Variants in APC observed in about 807,000 individuals in gnomAD.
APC encodes adenomatous polyposis coli protein.
APC carries 72 observed loss-of-function variants against 247.0 expected under a neutral mutation model. The observed-to-expected ratio is 0.29, with a 90% CI of 0.24 to 0.35. APC has a LOEUF of 0.35. APC is among the 10% of genes least tolerant of loss of function. The probability of loss-of-function intolerance (pLI) is 1.00; values close to 1 mark genes in which losing one functional copy is unlikely to be tolerated. For missense variants in APC, 3,400 were observed against 3,360.7 expected, an observed-to-expected ratio of 1.01 and a Z score of -0.29; for synonymous variants, 1,254 against 1,162.5, an observed-to-expected ratio of 1.08 and a Z score of -1.60.
chr5:112,785,380 A>T (rs1035201305), intron 6 of APC, among the ~76,000 whole-genome samples: 10 of 152,208 alleles, frequency 6.6e-5, no homozygotes, highest in African/African-American at 2.4e-4. Context: ...CTACCAGTTA[A>T]AGGTGGAAAT....
chr5:112,764,414 ATAGAGG>A (rs1433948897), intron 2 of APC, among the ~76,000 whole-genome samples: 1 of 152,220 alleles, frequency 6.6e-6, no homozygotes, highest in Admixed American at 6.5e-5. Context: ...AAGAGAGCTA[ATAGAGG>A]TAGAATCACC....
chr5:112,758,832 ACCTCAGGTGAT>A (rs1489828662), intron 2 of APC, among the ~76,000 whole-genome samples: 2 of 151,084 alleles, frequency 1.3e-5, no homozygotes, highest in African/African-American at 4.9e-5. Context: ...CAAACTCCTG[ACCTCAGGTGAT>A]CCACCCGCCT....
intron 1 of APC, among the ~76,000 whole-genome samples, chr5:112,710,176 G>T (rs570200416): frequency 6.6e-6 from 1 of 152,208 alleles, no homozygotes; most frequent in East Asian, 1.9e-4. Context: ...TTACCAGTTT[G>T]ACCCCTGAAA....
chr5:112,843,776 G>A lies in APC; in HGVS notation c.8182G>A (p.Val2728Met), dbSNP rs587778045. Residue 2728 changes from valine (V) to methionine (M), a missense_variant, in exon 16 of 16, where the codon GTG (valine) becomes ATG (methionine). This residue lies in a region of APC where 1,788 missense variants were observed against 1,649.5 expected (regional missense o/e 1.08). Transcript: ENST00000257430. The surrounding 1 kb of genome is among the most constrained non-coding windows in gnomAD (Gnocchi z 4.8). ...AAATCGCCTGAACTCCTTTATTCAG[G>A]TGGATGCCCCTGACCAAAAAGGAAC... ...LENRLNSFIQ[V>M]DAPDQKGTEI... 2.5e-6 allele frequency: 4 copies of A among 1,613,984 alleles called. No individual in the cohort carries two copies. The highest frequency in any genetic ancestry group is 3.4e-6 in the Non-Finnish European group (4 of 1,179,878).
Position 112,827,186 on chromosome 5 carries a change from C to T in APC, c.1487C>T (p.Thr496Ile), listed in dbSNP as rs1369979539. 3 of 1,613,782 alleles carry T rather than the reference C, an allele frequency of 1.9e-6. No homozygotes were observed. The highest frequency in any genetic ancestry group is 2.5e-6 in the Non-Finnish European group (3 of 1,179,886). ...YGLTNDHYSI[T>I]LRRYAGMALT... is the part of the protein sequence containing the mutation. ...CTTACTAATGACCACTACAGTATTA[C>T]ACTAAGACGATATGCTGGAATGGCT... The change falls in exon 12 of 16, where the codon ACA becomes ATA. Residue 496 changes from threonine (T) to isoleucine (I), a missense_variant. This residue lies in a region of APC where 199 missense variants were observed against 212.5 expected (regional missense o/e 0.94). Coordinates refer to ENST00000257430, the MANE Select transcript of APC (RefSeq NM_000038.6).
In APC at chr5:112,840,902, A is replaced by G. The variant is rs551183536; in HGVS notation, c.5308A>G (p.Lys1770Glu). The stretch of plus-strand genomic sequence containing the variant: ...CAAAAATCAGTTAGATGGTAAGAAA[A>G]AGAAACCAACTTCACCAGTAAAACC... ...PNKNQLDGKKKKPTSPVKPIP... is the reference protein window; with the variant it reads ...PNKNQLDGKKEKPTSPVKPIP... The change falls in exon 16 of 16, where the codon AAG (lysine) becomes GAG (glutamate). Residue 1770 changes from lysine (K) to glutamate (E), a missense_variant. Physicochemically the swap from Lys to Glu is moderately conservative, Grantham distance 56 (BLOSUM62 1). This residue lies in a region of APC where 1,788 missense variants were observed against 1,649.5 expected (regional missense o/e 1.08). Coordinates refer to ENST00000257430, the MANE Select transcript of APC (RefSeq NM_000038.6). The surrounding 1 kb of genome is among the most constrained non-coding windows in gnomAD (Gnocchi z 4.1). The G allele has an allele frequency of 9.3e-6, 15 of 1,613,990 alleles. No individual in the cohort carries two copies. The Admixed American group carries it at 2.0e-4, about 22-fold the overall frequency.
intron 2 of APC, among the ~76,000 whole-genome samples, chr5:112,761,331 C>T (rs931350076): frequency 6.6e-6 from 1 of 151,784 alleles, no homozygotes; most frequent in Non-Finnish European, 1.5e-5. Flanking sequence ...TCAGATGATC[C>T]ACATGTTGCA....
chr5:112,738,023 C>G, intron 1 of APC, 98 bp downstream of exon 1: 1 of 795,538 alleles, frequency 1.3e-6, no homozygotes, highest in Non-Finnish European at 1.5e-6. Flanking sequence ...TTCCTTGGCA[C>G]AGGGTCCACT....
chr5:112,793,568 A>T (rs1001593926), intron 7 of APC, among the ~76,000 whole-genome samples: 1 of 152,214 alleles, frequency 6.6e-6, no homozygotes, highest in Non-Finnish European at 1.5e-5. Flanking sequence ...GACAAAATCC[A>T]TTCTTCAGGC....
At position 112,818,980 on chromosome 5, in the gene APC, T is replaced by C. The variant is rs748010172; in HGVS notation, c.948T>C (p.Tyr316=). 5.0e-6 allele frequency: 8 copies of C among 1,613,946 alleles called. No homozygotes were observed. In the African/African-American group the frequency reaches 8.0e-5, roughly 16 times the overall value. The change falls in exon 10 of 16, where the codon TAT becomes TAC. Residue 316 remains tyrosine, a synonymous_variant. Transcript: ENST00000257430. ...TTGGCCCACAGGTGGAAATGGTGTA[T>C]TCATTGTTGTCAATGCTTGGTACTC... ...SHLGTKVEMV[Y]SLLSMLGTHD...
At chr5:112,790,111 T>A (rs1325617647) in intron 6 of APC, among the ~76,000 whole-genome samples, 3 of 152,108 alleles carry the variant, frequency 2.0e-5, no homozygotes, top group African/African-American at 7.2e-5. Context: ...CTGCCCACCT[T>A]GGCCTCCCAG....
At chr5:112,725,048 G>T (rs937704738) in intron 1 of APC, among the ~76,000 whole-genome samples, 2 of 152,054 alleles carry the variant, frequency 1.3e-5, no homozygotes, top group African/African-American at 2.4e-5. Flanking sequence ...CAGTGGCACA[G>T]TCTTGGCTCA....
chr5:112,738,453 G>A, intron 1 of APC: 3 of 985,922 alleles, frequency 3.0e-6, no homozygotes, highest in Non-Finnish European at 3.6e-6. Flanking sequence ...AGAAAGAGGA[G>A]GAGGCAGGTA....
chr5:112,818,922 A>G (rs1322568347), intron 9 of APC, 44 bp from the exon 10 acceptor site: 11 of 1,552,922 alleles, frequency 7.1e-6, no homozygotes, highest in East Asian at 2.6e-5. Flanking sequence ...TGGCTTTTGG[A>G]TATTAAAGTC....
rs903755471 is a variant in APC, at chr5:112,755,449, A to T, written c.135+424A>T. Reference sequence around the variant, plus strand: ...GCAGTGATAGGTGATCAAGAAAATCAGGATACCCTACTGGGAAGAGCCATG... The same window carrying T: ...GCAGTGATAGGTGATCAAGAAAATCTGGATACCCTACTGGGAAGAGCCATG... On this transcript the variant is annotated intron_variant, in intron 2 of 15. Coordinates refer to ENST00000257430, the MANE Select transcript of APC (RefSeq NM_000038.6). Among the ~76,000 whole-genome samples, 4 of 152,266 alleles carry T rather than the reference A, an allele frequency of 2.6e-5. No homozygotes were observed. In the East Asian group the frequency reaches 7.7e-4, roughly 29 times the overall value.
At chr5:112,817,641 G>GAAT (rs1287062082) in intron 9 of APC, among the ~76,000 whole-genome samples, 1 of 152,154 alleles carries the variant, frequency 6.6e-6, no homozygotes, top group Non-Finnish European at 1.5e-5. Context: ...CTGGCAATTA[G>GAAT]AATACTGTTT....
chr5:112,709,439 C>G (rs1412803625), intron 1 of APC, among the ~76,000 whole-genome samples: 2 of 152,178 alleles, frequency 1.3e-5, no homozygotes. Flanking sequence ...TTTTCTGGAA[C>G]CAGAGCCTGT....
At chr5:112,815,752 G>A (rs994184893) in intron 9 of APC, among the ~76,000 whole-genome samples, 159 bp downstream of exon 9, 2 of 152,026 alleles carry the variant, frequency 1.3e-5, no homozygotes, top group African/African-American at 2.4e-5. Context: ...CCTGGGCAAC[G>A]TGGCAAAACC....
At chr5:112,733,735 C>T (rs963628134), upstream of APC, among the ~76,000 whole-genome samples, 49 of 152,272 alleles carry the variant, frequency 3.2e-4, 1 homozygote, top group African/African-American at 1.2e-3. Context: ...GTTTTGGCAG[C>T]CATAGGACAT....
Sources: allele counts gnomAD v4.1 joint callset (sites outside exome capture counted in the v4.1 genomes callset), GRCh38; gene constraint gnomAD v4.1.1; regional missense constraint gnomAD v4.1.1; non-coding constraint Gnocchi (gnomAD v3.1); transcripts MANE v1.5; gene names NCBI Gene and HGNC (gene_info 2026-07-23, HGNC 2026-07-21).